CPNE8: variants seen among roughly 807,000 people sequenced by gnomAD.
The protein encoded by CPNE8 is copine 8.
CPNE8 carries 45 observed loss-of-function variants against 81.5 expected under a neutral mutation model. The observed-to-expected ratio is 0.55, with a 90% CI of 0.44 to 0.71. The LOEUF is 0.71. Ranked by LOEUF, CPNE8 falls within the 30% of genes least tolerant of loss-of-function variation. CPNE8 has a pLI of 0.00. For synonymous variants in CPNE8, 252 were observed against 226.3 expected (o/e 1.11, Z -1.02); for missense variants, 594 against 672.1 (o/e 0.88, Z 1.28).
chr12:38,654,657 G>A (rs1279823579), intron 19 of CPNE8, among the ~76,000 whole-genome samples: 1 of 151,690 alleles, frequency 6.6e-6, no homozygotes, highest in African/African-American at 2.4e-5. Flanking sequence ...ATCCTAATAG[G>A]CTTATTATGT....
intron 6 of CPNE8, among the ~76,000 whole-genome samples, chr12:38,818,256 G>T (rs1442651321): frequency 6.6e-6 from 1 of 152,056 alleles, no homozygotes; most frequent in Non-Finnish European, 1.5e-5. Flanking sequence ...ACATGCATTA[G>T]GTGTTTTTCC....
At chr12:38,794,472 T>C (rs1942406399) in intron 6 of CPNE8, among the ~76,000 whole-genome samples, 2 of 152,064 alleles carry the variant, frequency 1.3e-5, no homozygotes, top group South Asian at 4.1e-4. Flanking sequence ...CTCCTCCCAA[T>C]CTGATTTAAA....
intron 9 of CPNE8, among the ~76,000 whole-genome samples, chr12:38,761,717 C>T (rs924781662): frequency 3.3e-5 from 5 of 152,004 alleles, no homozygotes; most frequent in Admixed American, 3.3e-4. Context: ...ACCACCTTAC[C>T]CAGCTAATTG....
At chr12:38,741,577 T>G (rs1404914120) in intron 10 of CPNE8, among the ~76,000 whole-genome samples, 1 of 152,076 alleles carries the variant, frequency 6.6e-6, no homozygotes, top group Non-Finnish European at 1.5e-5. Context: ...CCATAAAAAC[T>G]CTAGAAGAAA....
intron 6 of CPNE8, among the ~76,000 whole-genome samples, chr12:38,782,112 C>T (rs992262709): frequency 7.9e-5 from 12 of 151,894 alleles, no homozygotes; most frequent in Non-Finnish European, 1.6e-4. Context: ...TATTAAATAC[C>T]ATGGTAACAC....
intron 6 of CPNE8, among the ~76,000 whole-genome samples, chr12:38,810,243 G>A (rs1942906328): frequency 6.6e-6 from 1 of 152,058 alleles, no homozygotes. Context: ...ATTCCACCAG[G>A]CAATGGCATC....
At chr12:38,818,004 T>TA (rs1327224095) in intron 6 of CPNE8, among the ~76,000 whole-genome samples, 7 of 152,296 alleles carry the variant, frequency 4.6e-5, no homozygotes, top group African/African-American at 1.7e-4. Context: ...TATTTGAACT[T>TA]AGTTTTTTCA....
intron 10 of CPNE8, among the ~76,000 whole-genome samples, chr12:38,755,865 C>T (rs1255313162): frequency 6.6e-6 from 1 of 151,420 alleles, no homozygotes; most frequent in Non-Finnish European, 1.5e-5. Flanking sequence ...ACGGTGAAAC[C>T]CCGTCTCTAC....
intron 6 of CPNE8, among the ~76,000 whole-genome samples, chr12:38,828,199 G>T (rs909437843): frequency 1.3e-5 from 2 of 152,144 alleles, no homozygotes; most frequent in African/African-American, 4.8e-5. Context: ...TAAGTCACTA[G>T]AATAGGAGAT....
Position 38,831,622 on chromosome 12 carries a change from G to A in CPNE8, c.331-2167C>T, listed in dbSNP as rs561829027. 2.6e-5 allele frequency among the ~76,000 whole-genome samples: 4 copies of A among 152,236 alleles called. No homozygotes were observed. In the East Asian group the frequency reaches 5.8e-4, roughly 22 times the overall value. On this transcript the variant is annotated intron_variant, in intron 5 of 19. Transcript: ENST00000331366. Reference sequence around the variant, plus strand: ...TTAAATTTGTTTTCAAATACATAAAGAGAATTTAAGATAAAGCTTTCCCAT... The same window carrying A: ...TTAAATTTGTTTTCAAATACATAAAAAGAATTTAAGATAAAGCTTTCCCAT...
intron 1 of CPNE8, among the ~76,000 whole-genome samples, chr12:38,874,736 T>G (rs1215103865): frequency 1.3e-5 from 2 of 152,158 alleles, no homozygotes; most frequent in African/African-American, 2.4e-5. Context: ...GCTTTTATTT[T>G]CTCAGACTTT....
chr12:38,835,022 G>A (rs1943357240), intron 5 of CPNE8, among the ~76,000 whole-genome samples: 1 of 152,074 alleles, frequency 6.6e-6, no homozygotes, highest in South Asian at 2.1e-4. Context: ...GAGTAGCTGG[G>A]ATTGCAGGCA....
At chr12:38,677,308 G>T in intron 17 of CPNE8, 144 bp downstream of exon 17, 2 of 571,136 alleles carry the variant, frequency 3.5e-6, no homozygotes. Context: ...ATGTATATGA[G>T]TTGTCTGGAT....
chr12:38,667,438 C>A (rs1351623642), intron 19 of CPNE8, among the ~76,000 whole-genome samples: 1 of 152,118 alleles, frequency 6.6e-6, no homozygotes, highest in Non-Finnish European at 1.5e-5. Flanking sequence ...TAGCTTTATT[C>A]AAGGTGAGAG....
intron 6 of CPNE8, among the ~76,000 whole-genome samples, chr12:38,820,896 T>A (rs1943101139): frequency 6.6e-6 from 1 of 152,158 alleles, no homozygotes; most frequent in Non-Finnish European, 1.5e-5. Flanking sequence ...ACATCCACTG[T>A]CTCATGAAAG....
At chr12:38,785,296 A>T (rs549739541) in intron 6 of CPNE8, among the ~76,000 whole-genome samples, 144 of 152,164 alleles carry the variant, frequency 9.5e-4, no homozygotes, top group African/African-American at 3.3e-3. Flanking sequence ...TTATAACACT[A>T]TAACTGTGTA....
chr12:38,713,698 T>C, intron 13 of CPNE8, among the ~76,000 whole-genome samples: 1 of 152,170 alleles, frequency 6.6e-6, no homozygotes, highest in Non-Finnish European at 1.5e-5. Context: ...CACTCTGTGT[T>C]CAGACCTATA....
At position 38,741,448 on chromosome 12, in the gene CPNE8, A is replaced by G. The variant is rs139471943; in HGVS notation, c.723-11090T>C. Among the ~76,000 whole-genome samples, 453 of 152,348 alleles carry G rather than the reference A, an allele frequency of 3.0e-3. 5 individuals are homozygous for G. The highest frequency in any genetic ancestry group is 9.7e-3 in the African/African-American group (404 of 41,582). On this transcript the variant is annotated intron_variant, in intron 10 of 19. Coordinates refer to ENST00000331366, the MANE Select transcript of CPNE8 (RefSeq NM_153634.3). ...AAATGGGGAAAAGATTCCCTATTTA[A>G]TAAATGTTGCTGGGAAACTGGCTAG...
At chr12:38,694,117 C>G (rs10400455) in intron 14 of CPNE8, among the ~76,000 whole-genome samples, 2 of 151,920 alleles carry the variant, frequency 1.3e-5, no homozygotes, top group Admixed American at 6.6e-5. Flanking sequence ...AGTTTTTGTT[C>G]TGGAAGTATA....
Sources: gnomAD v4.1 joint callset for allele counts (sites outside exome capture counted in the v4.1 genomes callset) on GRCh38, gnomAD v4.1.1 for gene constraint, MANE v1.5 for transcripts, NCBI Gene and HGNC (gene_info 2026-07-23, HGNC 2026-07-21) for gene names.